The following FBXO33 variants were observed in gnomAD, a reference collection of about 807,000 sequenced individuals.
FBXO33 encodes the protein F-box only protein 33.
Under a neutral mutation model 46.3 loss-of-function variants are expected in FBXO33, and 22 were observed. That is an observed-to-expected ratio of 0.48 (90% confidence interval 0.34 to 0.68). The LOEUF (loss-of-function observed/expected upper bound fraction) is 0.68, where lower values mean the gene tolerates loss of function less well. Ranked by LOEUF, FBXO33 falls within the 30% of genes least tolerant of loss-of-function variation. FBXO33 has a pLI of 0.01. For synonymous variants in FBXO33, 337 were observed against 291.3 expected, an observed-to-expected ratio of 1.16 and a Z score of -1.60; for missense variants, 692 against 708.8, an observed-to-expected ratio of 0.98 and a Z score of 0.27.
intron 3 of FBXO33, 138 bp from the exon 4 acceptor site, chr14:39,399,925 TAGAAATATATTGAA>T (rs1359576874): frequency 1.0e-6 from 1 of 978,994 alleles, no homozygotes. Flanking sequence ...CTTTTTCCTT[TAGAAATATATTGAA>T]ATTGGAAAAG....
At chr14:39,400,515 A>G (rs1330639837) in intron 3 of FBXO33, among the ~76,000 whole-genome samples, 1 of 152,192 alleles carries the variant, frequency 6.6e-6, no homozygotes, top group Non-Finnish European at 1.5e-5. Context: ...ATAAAGCAAG[A>G]CTTGAAAAGC....
Position 39,431,674 on chromosome 14 carries a change from C to T in FBXO33, c.489G>A (p.Gly163=). ...GPGDGGGADT[G]TGGEEVEALQ... ...GGGCCTCGACTTCCTCCCCTCCAGTCCCGGTGTCCGCGCCACCTCCGTCCC... is the reference window on the plus strand; with the variant it reads ...GGGCCTCGACTTCCTCCCCTCCAGTTCCGGTGTCCGCGCCACCTCCGTCCC... The change falls in exon 1 of 4, where the codon GGG becomes GGA. Residue 163 remains glycine (G), a synonymous_variant. Transcript: ENST00000298097. 3 of 1,613,582 alleles carry T rather than the reference C, an allele frequency of 1.9e-6. No homozygotes were observed. Among genetic ancestry groups the T allele is most frequent in the Non-Finnish European group, 2.5e-6 (3 of 1,180,012 alleles).
In FBXO33 at chr14:39,402,454, A is replaced by AG; in HGVS notation, c.656_657insC (p.Leu220PhefsTer12). The AG allele has an allele frequency of 6.3e-7, 1 of 1,583,810 alleles. No individual in the cohort carries two copies. The highest frequency in any genetic ancestry group is 8.6e-7 in the Non-Finnish European group (1 of 1,164,512). ...CCTTGCTGAGGTATGTATTTGACAA[A>AG]CTTCCTTGCTGTTGTAGAACACTTA... On this transcript the variant is annotated frameshift_variant, in exon 2 of 4. Transcript: ENST00000298097. LOFTEE classifies it high-confidence loss of function.
At position 39,432,039 on chromosome 14, in the gene FBXO33, G is replaced by A. The variant is rs1477474386; in HGVS notation, c.124C>T (p.Leu42Phe). 6 of 1,292,160 alleles carry A rather than the reference G, an allele frequency of 4.6e-6. No individual in the cohort carries two copies. Among genetic ancestry groups the A allele is most frequent in the Admixed American group, 4.0e-5 (1 of 24,864 alleles). The allele number at this position is 1,292,160 out of a possible 1,614,324, so 80.0% of individuals were successfully genotyped here. Residue 42 changes from leucine to phenylalanine, a missense_variant, in exon 1 of 4, where the codon CTC becomes TTC. Leu to Phe is a conservative substitution (Grantham distance 22). Around this residue, in one of 3 missense-constraint regions of FBXO33, gnomAD observed 412 missense variants for 370.8 expected, o/e 1.11. Coordinates refer to ENST00000298097, the MANE Select transcript of FBXO33 (RefSeq NM_203301.4). The stretch of plus-strand genomic sequence containing the variant: ...CCCGGCCGCCCCCGCAGTACCCGGA[G>A]CAGCCCCCGCAGCCGTCGCAGCTGC... ...LQQLRRLRGL[L>F]RVLRGRPGAG...
intron 1 of FBXO33, among the ~76,000 whole-genome samples, chr14:39,409,534 T>G (rs2075413302): frequency 6.6e-6 from 1 of 152,216 alleles, no homozygotes; most frequent in African/African-American, 2.4e-5. Flanking sequence ...GCTTTGTTCT[T>G]TTTCAAGACT....
At chr14:39,421,157 C>A (rs1355504937) in intron 1 of FBXO33, among the ~76,000 whole-genome samples, 1 of 152,264 alleles carries the variant, frequency 6.6e-6, no homozygotes, top group East Asian at 1.9e-4. Context: ...AGACTCTTGC[C>A]TCAGGTGACT....
intron 1 of FBXO33, among the ~76,000 whole-genome samples, chr14:39,425,348 G>C (rs2075507395): frequency 6.6e-6 from 1 of 151,948 alleles, no homozygotes. Context: ...TTAATACACA[G>C]GAACAATAGA....
Position 39,432,176 on chromosome 14 carries a change from G to A in FBXO33, c.-14C>T, listed in dbSNP as rs773178209. On this transcript the variant is annotated 5_prime_UTR_variant, in exon 1 of 4. Coordinates refer to ENST00000298097, the MANE Select transcript of FBXO33 (RefSeq NM_203301.4). ...GAACAACAACATCAATGACTAGGAA[G>A]AAGGGGGCGGAACCGTCGTGGGTCT... The A allele has an allele frequency of 7.3e-6, 9 of 1,225,004 alleles. No homozygotes were observed. The highest frequency in any genetic ancestry group is 4.1e-5 in the South Asian group (1 of 24,548). The allele number at this position is 1,225,004 out of a possible 1,614,324, so 75.9% of individuals were successfully genotyped here. A position where few individuals can be genotyped will look rare whatever the true frequency, so the allele number is the denominator to read the frequency against.
Position 39,399,590 on chromosome 14 carries a change from C to T in FBXO33, c.1594G>A (p.Glu532Lys), listed in dbSNP as rs776602432. Residue 532 changes from glutamate to lysine, a missense_variant, in exon 4 of 4, where the codon GAA (glutamate) becomes AAA (lysine). Physicochemically the swap from Glu to Lys is moderately conservative, Grantham distance 56 (BLOSUM62 1). Transcript: ENST00000298097. The stretch of plus-strand genomic sequence containing the variant: ...GGTTCAGTGAAGACACTGAGTGATT[C>T]GATGTCCATGACTGCATGCCAAGGT... Reference protein sequence around the residue: ...GQPWHAVMDIESLSVFTEPNR... With the variant: ...GQPWHAVMDIKSLSVFTEPNR... 24 of 1,613,440 alleles carry T rather than the reference C, an allele frequency of 1.5e-5. No homozygotes were observed. The Admixed American group carries it at 2.0e-4, about 13-fold the overall frequency.
intron 1 of FBXO33, among the ~76,000 whole-genome samples, chr14:39,408,050 C>CT (rs1370486741): frequency 6.6e-6 from 1 of 152,180 alleles, no homozygotes; most frequent in Non-Finnish European, 1.5e-5. Flanking sequence ...AGGCGATTCT[C>CT]TCACCTCAGC....
In FBXO33 at chr14:39,432,042, G is replaced by GC; in HGVS notation, c.120dup (p.Leu41AlafsTer60). The GC allele has an allele frequency of 7.7e-7, 1 of 1,293,522 alleles. No individual in the cohort carries two copies. The highest frequency in any genetic ancestry group is 2.4e-5 in the South Asian group (1 of 41,386). 80.1% of individuals were successfully genotyped at this position (1,293,522 alleles called of 1,614,324 possible). On this transcript the variant is annotated frameshift_variant, in exon 1 of 4. Transcript: ENST00000298097. LOFTEE classifies it high-confidence loss of function. Reference sequence around the variant, plus strand: ...GGCCGCCCCCGCAGTACCCGGAGCAGCCCCCGCAGCCGTCGCAGCTGCTGC... The same window carrying GC: ...GGCCGCCCCCGCAGTACCCGGAGCAGCCCCCCGCAGCCGTCGCAGCTGCTGC...
intron 1 of FBXO33, among the ~76,000 whole-genome samples, chr14:39,406,646 G>T (rs745653661): frequency 6.6e-6 from 1 of 152,126 alleles, no homozygotes; most frequent in Non-Finnish European, 1.5e-5. Flanking sequence ...GAATTTTAGG[G>T]CAGAGTACCA....
chr14:39,407,535 G>A (rs2139405594), intron 1 of FBXO33, among the ~76,000 whole-genome samples: 1 of 152,298 alleles, frequency 6.6e-6, no homozygotes, highest in African/African-American at 2.4e-5. Context: ...CCTCACATAA[G>A]TGGAGTCATG....
intron 1 of FBXO33, among the ~76,000 whole-genome samples, chr14:39,420,971 G>A (rs2075480059): frequency 6.6e-6 from 1 of 152,162 alleles, no homozygotes; most frequent in Admixed American, 6.5e-5. Context: ...AGGAAAGCTG[G>A]TTTAGGATTT....
chr14:39,410,898 TC>T (rs1205644871), intron 1 of FBXO33, among the ~76,000 whole-genome samples: 1 of 152,176 alleles, frequency 6.6e-6, no homozygotes, highest in African/African-American at 2.4e-5. Flanking sequence ...GAGTCTTTTT[TC>T]TTACTCTAAA....
At chr14:39,411,341 C>T (rs1180069203) in intron 1 of FBXO33, among the ~76,000 whole-genome samples, 1 of 152,046 alleles carries the variant, frequency 6.6e-6, no homozygotes, top group Non-Finnish European at 1.5e-5. Flanking sequence ...ATCTGTATGC[C>T]TCGGCCTCCC....
intron 1 of FBXO33, among the ~76,000 whole-genome samples, chr14:39,406,567 A>G (rs1384608454): frequency 6.6e-6 from 1 of 152,208 alleles, no homozygotes; most frequent in Non-Finnish European, 1.5e-5. Context: ...GAGAGTTTTC[A>G]GGTTACAACA....
Position 39,399,457 on chromosome 14 carries a change from A to G in FBXO33, c.*59T>C. The G allele has an allele frequency of 6.7e-7, 1 of 1,488,556 alleles. No individual in the cohort carries two copies. Among genetic ancestry groups the G allele is most frequent in the East Asian group, 2.3e-5 (1 of 43,882 alleles). 92.2% of individuals were successfully genotyped at this position (1,488,556 alleles called of 1,614,324 possible). A position where few individuals can be genotyped will look rare whatever the true frequency, so the allele number is the denominator to read the frequency against. On this transcript the variant is annotated 3_prime_UTR_variant, in exon 4 of 4. Coordinates refer to ENST00000298097, the MANE Select transcript of FBXO33 (RefSeq NM_203301.4). ...AGGATTAATTCACACTACTGAAAAA[A>G]AAACATAATAGGACCCTACTTGCAT...
At chr14:39,403,546 C>T (rs1376889220) in intron 1 of FBXO33, among the ~76,000 whole-genome samples, 1 of 152,198 alleles carries the variant, frequency 6.6e-6, no homozygotes. Context: ...GCCTGGGAGA[C>T]AGACTCTACC....
Sources: allele counts gnomAD v4.1 joint callset (sites outside exome capture counted in the v4.1 genomes callset), GRCh38; gene constraint gnomAD v4.1.1; regional missense constraint gnomAD v4.1.1; transcripts MANE v1.5; gene names NCBI Gene and HGNC (gene_info 2026-07-23, HGNC 2026-07-21).